Variants in ADIPOR2 observed in about 807,000 individuals in gnomAD.
ADIPOR2 encodes adiponectin receptor 2.
Under a neutral mutation model 40.9 loss-of-function variants are expected in ADIPOR2, and 18 were observed. That is an observed-to-expected ratio of 0.44 (90% confidence interval 0.30 to 0.65). ADIPOR2 has a LOEUF of 0.65. ADIPOR2 is among the 30% of genes least tolerant of loss of function. ADIPOR2 has a pLI of 0.09. For synonymous variants in ADIPOR2, 165 were observed against 166.4 expected (o/e 0.99, Z 0.06); for missense variants, 283 against 479.2 (o/e 0.59, Z 3.82).
At chr12:1,740,155 G>A (rs1305683177) in intron 1 of ADIPOR2, among the ~76,000 whole-genome samples, 1 of 152,114 alleles carries the variant, frequency 6.6e-6, no homozygotes, top group East Asian at 1.9e-4. Context: ...TTATGATGAT[G>A]CCTACCTTGA....
intron 1 of ADIPOR2, among the ~76,000 whole-genome samples, chr12:1,719,188 G>T (rs1219179617): frequency 6.6e-6 from 1 of 151,970 alleles, no homozygotes; most frequent in Admixed American, 6.6e-5. Flanking sequence ...ACTCAAAAAG[G>T]TTCTGAGTAT....
rs67598229 is a variant in ADIPOR2 at position 1,752,230 on chromosome 12, CTTTTTTTTT to C, written c.-86-2015_-86-2007del. The stretch of plus-strand genomic sequence containing the variant: ...AGGCGTGAGCCACTGCTCCTGGCCT[CTTTTTTTTT>C]TTTTTTTTTTTTAAGATAATGTCTC... On this transcript the variant is annotated intron_variant, in intron 1 of 7. Coordinates refer to ENST00000357103, the MANE Select transcript of ADIPOR2 (RefSeq NM_024551.3). 1.3e-4 allele frequency among the ~76,000 whole-genome samples: 10 copies of C among 74,866 alleles called. No individual in the cohort carries two copies. The South Asian group carries it at 2.9e-3, about 22-fold the overall frequency. The allele number at this position is 74,866 out of a possible 152,430, so 49.1% of individuals were successfully genotyped here. A position where few individuals can be genotyped will look rare whatever the true frequency, so the allele number is the denominator to read the frequency against.
intron 1 of ADIPOR2, among the ~76,000 whole-genome samples, chr12:1,732,126 C>A (rs1035833712): frequency 1.3e-5 from 2 of 152,124 alleles, no homozygotes; most frequent in Admixed American, 6.5e-5. Flanking sequence ...TAACATCTTG[C>A]ATTAGTGTGG....
intron 1 of ADIPOR2, among the ~76,000 whole-genome samples, chr12:1,710,351 C>T (rs2094673753): frequency 1.3e-5 from 2 of 152,176 alleles, no homozygotes; most frequent in Non-Finnish European, 2.9e-5. Flanking sequence ...AGCTGTAACA[C>T]TCACCGTGAA....
chr12:1,774,079 T>C (rs1862540026), intron 3 of ADIPOR2, among the ~76,000 whole-genome samples: 1 of 152,194 alleles, frequency 6.6e-6, no homozygotes, highest in South Asian at 2.1e-4. Context: ...GATCACTGTC[T>C]CAGGAGAATT....
chr12:1,746,392 G>A (rs2094755068), intron 1 of ADIPOR2, among the ~76,000 whole-genome samples: 1 of 152,076 alleles, frequency 6.6e-6, no homozygotes, highest in Non-Finnish European at 1.5e-5. Flanking sequence ...GGAAGCTGAG[G>A]CAGAAGAATT....
intron 1 of ADIPOR2, among the ~76,000 whole-genome samples, chr12:1,748,338 T>C (rs921418253): frequency 6.6e-6 from 1 of 152,054 alleles, no homozygotes; most frequent in East Asian, 1.9e-4. Context: ...AAACTCCGCC[T>C]CCCGGGTTCA....
intron 2 of ADIPOR2, among the ~76,000 whole-genome samples, chr12:1,772,436 C>T (rs1862508546): frequency 1.3e-5 from 2 of 152,058 alleles, no homozygotes; most frequent in South Asian, 4.1e-4. Context: ...CTTTCTCTGC[C>T]ACTAGAGTAC....
chr12:1,764,914 G>A (rs534022658), intron 2 of ADIPOR2, among the ~76,000 whole-genome samples: 25 of 152,056 alleles, frequency 1.6e-4, no homozygotes, highest in African/African-American at 5.8e-4. Flanking sequence ...TTATATTACT[G>A]TACCAATTTT....
intron 1 of ADIPOR2, among the ~76,000 whole-genome samples, chr12:1,729,617 GTTTTTT>G (rs56921758): frequency 1.3e-4 from 12 of 88,986 alleles, no homozygotes; most frequent in African/African-American, 3.4e-4. Flanking sequence ...TCAGCCAGTT[GTTTTTT>G]TTTTTTTTTT....
Position 1,754,476 on chromosome 12 carries a change from AT to A in ADIPOR2, c.137del (p.Leu46Ter). On this transcript the variant is annotated frameshift_variant, in exon 2 of 8. Coordinates refer to ENST00000357103, the MANE Select transcript of ADIPOR2 (RefSeq NM_024551.3). LOFTEE classifies it high-confidence loss of function. Reference protein sequence around the residue: ...NDSHQGDLEPILEASVLSSHH... With the variant: ...NDSHQGDLEPXLEASVLSSHH... ...CAGCCACCAAGGAGATTTGGAGCCC[AT>A]TTTAGAGGCATCTGTTCTATCTTCC... 6.2e-7 allele frequency: 1 copy of A among 1,613,146 alleles called. No homozygotes were observed. The highest frequency in any genetic ancestry group is 8.5e-7 in the Non-Finnish European group (1 of 1,179,574).
At chr12:1,765,268 A>G (rs559143189) in intron 2 of ADIPOR2, among the ~76,000 whole-genome samples, 1 of 152,216 alleles carries the variant, frequency 6.6e-6, no homozygotes, top group Non-Finnish European at 1.5e-5. Context: ...CACCTACTTT[A>G]TGAATATGAG....
At chr12:1,699,507 C>G (rs983483993) in intron 1 of ADIPOR2, among the ~76,000 whole-genome samples, 1 of 152,098 alleles carries the variant, frequency 6.6e-6, no homozygotes, top group African/African-American at 2.4e-5. Context: ...AAAAATTAGC[C>G]AGGCATCATG....
chr12:1,744,254 G>A (rs1448026430), intron 1 of ADIPOR2, among the ~76,000 whole-genome samples: 2 of 151,922 alleles, frequency 1.3e-5, no homozygotes, highest in African/African-American at 2.4e-5. Flanking sequence ...ACAGGCAGCC[G>A]CCACCACACC....
rs1247163041 is a variant in ADIPOR2 at position 1,730,616 on chromosome 12, C to CA, written c.-86-23630dup. ...TGGGTGACAGAGCAAGACTCTGTCTCAAAAAAAAAAAACAAAAAAAACCAA... is the reference window on the plus strand; with the variant it reads ...TGGGTGACAGAGCAAGACTCTGTCTCAAAAAAAAAAAAACAAAAAAAACCAA... On this transcript the variant is annotated intron_variant, in intron 1 of 7. Transcript: ENST00000357103. 7.4e-3 allele frequency: 243 copies of CA among 32,802 alleles called. 6 individuals carry two copies. The highest frequency in any genetic ancestry group is 0.015 in the South Asian group (13 of 840). 2.0% of individuals were successfully genotyped at this position (32,802 alleles called of 1,614,324 possible). A position where few individuals can be genotyped will look rare whatever the true frequency, so the allele number is the denominator to read the frequency against.
At chr12:1,751,194 A>G (rs759666704) in intron 1 of ADIPOR2, among the ~76,000 whole-genome samples, 2 of 152,050 alleles carry the variant, frequency 1.3e-5, no homozygotes, top group African/African-American at 2.4e-5. Context: ...AAATACTTTT[A>G]CTTCAACAGT....
chr12:1,692,086 C>CTTTT (rs5795977), intron 1 of ADIPOR2, among the ~76,000 whole-genome samples: 15,994 of 146,202 alleles, frequency 0.11, 1,160 homozygotes, highest in East Asian at 0.25. Flanking sequence ...CAAAAGCAGA[C>CTTTT]TTTTTTTTTT....
rs2094637169 is a variant in ADIPOR2, at chr12:1,695,675, A to AAAT, written c.-87+4486_-87+4487insTAA. Among the ~76,000 whole-genome samples, 3 of 151,564 alleles carry AAAT rather than the reference A, an allele frequency of 2.0e-5. No homozygotes were observed. In the East Asian group the frequency reaches 5.8e-4, roughly 29 times the overall value. On this transcript the variant is annotated intron_variant, in intron 1 of 7. Coordinates refer to ENST00000357103, the MANE Select transcript of ADIPOR2 (RefSeq NM_024551.3). ...CAAAACTCCATCTCAAAAAAAAAAA[A>AAAT]AAAAAATGACGAAACCCGTCATTCA...
intron 1 of ADIPOR2, among the ~76,000 whole-genome samples, chr12:1,743,510 AAAATT>A (rs2154443016): frequency 6.6e-6 from 1 of 152,168 alleles, no homozygotes; most frequent in East Asian, 1.9e-4. Context: ...AGTGCTACAA[AAAATT>A]AAAAATTAGC....
Sources: allele counts gnomAD v4.1 joint callset (sites outside exome capture counted in the v4.1 genomes callset), GRCh38; gene constraint gnomAD v4.1.1; transcripts MANE v1.5; gene names NCBI Gene and HGNC (gene_info 2026-07-23, HGNC 2026-07-21).